Variants in PKD1L3 observed in about 807,000 individuals in gnomAD.
PKD1L3 encodes polycystin 1 like 3, transient receptor potential channel interacting.
PKD1L3 carries 239 observed loss-of-function variants against 184.1 expected under a neutral mutation model. The ratio of observed to expected loss-of-function variants is 1.30; its 90% CI spans 1.17 to 1.45. The LOEUF (loss-of-function observed/expected upper bound fraction) is 1.45. Ranked by LOEUF, PKD1L3 falls within the 40% of genes most tolerant of loss-of-function variation. The probability of loss-of-function intolerance (pLI) is 0.00; values close to 1 mark genes in which losing one functional copy is unlikely to be tolerated. For synonymous variants in PKD1L3, 996 were observed against 778.8 expected (o/e 1.28, Z -4.64); for missense variants, 2,660 against 2,067.2 (o/e 1.29, Z -5.56).
Position 71,953,032 on chromosome 16 carries a change from G to A in PKD1L3, c.2871C>T (p.Leu957=). ...LLVSIHTAVI[L]FPINLVIGRL... ...GCCCTATGACAAGATTGATTGGGAA[G>A]AGGATGACAGCAGTATGGATGCTGA... is the stretch of plus-strand genomic sequence containing the variant. The change falls in exon 18 of 30, where the codon CTC becomes CTT. Residue 957 remains leucine (L), a synonymous_variant. Coordinates refer to ENST00000620267, the MANE Select transcript of PKD1L3 (RefSeq NM_181536.2). 1.3e-6 allele frequency: 2 copies of A among 1,549,064 alleles called. No individual in the cohort carries two copies. Among genetic ancestry groups the A allele is most frequent in the Admixed American group, 2.0e-5 (1 of 50,580 alleles).
At chr16:71,973,957 G>A (rs906959120) in intron 11 of PKD1L3, among the ~76,000 whole-genome samples, 36 of 150,078 alleles carry the variant, frequency 2.4e-4, no homozygotes, top group Middle Eastern at 3.4e-3. Flanking sequence ...AGCCGAAATC[G>A]CACCACTATA....
At chr16:71,979,471 C>CAAAACAAAACAAGAT (rs1567539419) in intron 9 of PKD1L3, among the ~76,000 whole-genome samples, 5 of 123,292 alleles carry the variant, frequency 4.1e-5, no homozygotes, top group Non-Finnish European at 7.0e-5. Flanking sequence ...CAAAACAAGA[C>CAAAACAAAACAAGAT]AAAACAAAAC....
chr16:71,973,482 G>A lies in PKD1L3; in HGVS notation c.1795C>T (p.Leu599=). The A allele has an allele frequency of 6.4e-7, 1 of 1,551,864 alleles. No individual in the cohort carries two copies. The highest frequency in any genetic ancestry group is 8.7e-7 in the Non-Finnish European group (1 of 1,147,054). ...EYTWVLNPEH[L]QHGIGTYYIT... ...TAGTAGGTGCCAATCCCGTGCTGCAGATGCTCTGGATTCAGCACCCACGTG... is the reference window on the plus strand; with the variant it reads ...TAGTAGGTGCCAATCCCGTGCTGCAAATGCTCTGGATTCAGCACCCACGTG... Residue 599 remains leucine (L), a synonymous_variant, in exon 12 of 30, where the codon CTG becomes TTG. Transcript: ENST00000620267.
chr16:71,951,709 TCTC>T lies in PKD1L3; in HGVS notation c.3042_3044del (p.Arg1015del). 6.4e-7 allele frequency: 1 copy of T among 1,551,288 alleles called. No individual in the cohort carries two copies. The highest frequency in any genetic ancestry group is 1.2e-5 in the South Asian group (1 of 83,944). The stretch of plus-strand genomic sequence containing the variant: ...CACACTTGGAGAGTAGGTATGTATT[TCTC>T]CTGAGCAGGAATCTCACAGTTTCCT... On this transcript the variant is annotated inframe_deletion, in exon 19 of 30. Transcript: ENST00000620267.
intron 4 of PKD1L3, among the ~76,000 whole-genome samples, chr16:71,988,197 ATTTT>A (rs201009257): frequency 2.0e-5 from 3 of 150,606 alleles, no homozygotes; most frequent in Non-Finnish European, 4.4e-5. Flanking sequence ...TCATTTGTAA[ATTTT>A]TTTTTTGTTT....
intron 4 of PKD1L3, among the ~76,000 whole-genome samples, chr16:71,988,553 A>G (rs1382251789): frequency 1.3e-5 from 2 of 152,128 alleles, no homozygotes; most frequent in Non-Finnish European, 2.9e-5. Flanking sequence ...GATCGTGGTG[A>G]CCATGGTGAG....
chr16:71,936,519 CTTTTTTTTT>C (rs397785025), intron 25 of PKD1L3, among the ~76,000 whole-genome samples: 2 of 123,528 alleles, frequency 1.6e-5, no homozygotes, highest in East Asian at 2.3e-4. Context: ...TTTTTTTTTT[CTTTTTTTTT>C]TTTTTTTTGA....
intron 2 of PKD1L3, among the ~76,000 whole-genome samples, chr16:71,996,703 T>G (rs1158229180): frequency 2.6e-5 from 4 of 152,168 alleles, no homozygotes; most frequent in African/African-American, 9.7e-5. Flanking sequence ...GTACGTAACA[T>G]TTTGAGATTG....
intron 2 of PKD1L3, among the ~76,000 whole-genome samples, chr16:71,994,339 T>C (rs529109712): frequency 5.9e-5 from 9 of 152,146 alleles, no homozygotes; most frequent in Non-Finnish European, 1.3e-4. Flanking sequence ...GTGATAACCT[T>C]GCTTTCTAAC....
intron 20 of PKD1L3, 39 bp downstream of exon 20, chr16:71,950,079 G>A: frequency 6.5e-7 from 1 of 1,548,642 alleles, no homozygotes; most frequent in East Asian, 2.4e-5. Flanking sequence ...GGATGAGGAA[G>A]ATTACAGGGG....
chr16:71,950,131 G>A lies in PKD1L3; in HGVS notation c.3370C>T (p.Gln1124Ter). 6.4e-7 allele frequency: 1 copy of A among 1,551,986 alleles called. No homozygotes were observed. The highest frequency in any genetic ancestry group is 8.7e-7 in the Non-Finnish European group (1 of 1,147,000). The stretch of plus-strand genomic sequence containing the variant: ...GTGGTGCATTACCTGGATGGCTCTT[G>A]CTCCGTGGGAAGAATATGTGTTTCC... Reference protein sequence around the residue: ...LLETHILPTEQEPSREVTSFA... With the variant: ...LLETHILPTE Residue 1124 changes from glutamine to a stop codon, truncating the protein, a stop_gained, in exon 20 of 30, where the codon CAA (glutamine) becomes TAA (stop). Coordinates refer to ENST00000620267, the MANE Select transcript of PKD1L3 (RefSeq NM_181536.2). LOFTEE classifies it high-confidence loss of function.
intron 15 of PKD1L3, 100 bp from the exon 16 acceptor site, chr16:71,963,451 T>C (rs1446981792): frequency 1.6e-6 from 2 of 1,251,454 alleles, no homozygotes; most frequent in Non-Finnish European, 2.1e-6. Flanking sequence ...TCCAAGTAAA[T>C]GAACTGTTTC....
intron 28 of PKD1L3, among the ~76,000 whole-genome samples, chr16:71,933,099 C>T (rs1404275282): frequency 6.6e-6 from 1 of 152,030 alleles, no homozygotes; most frequent in African/African-American, 2.4e-5. Context: ...TTCAAGGGGC[C>T]ATTGAGAAGC....
intron 6 of PKD1L3, among the ~76,000 whole-genome samples, chr16:71,983,409 A>G (rs1259858593): frequency 6.6e-6 from 1 of 152,154 alleles, no homozygotes; most frequent in African/African-American, 2.4e-5. Flanking sequence ...AGCCTCCCAA[A>G]GTGCTGGGAC....
Position 71,951,686 on chromosome 16 carries a change from C to T in PKD1L3, c.3068G>A (p.Cys1023Tyr), listed in dbSNP as rs1482870867. 1 of 1,551,696 alleles carries T rather than the reference C, an allele frequency of 6.4e-7. No individual in the cohort carries two copies. The highest frequency in any genetic ancestry group is 8.7e-7 in the Non-Finnish European group (1 of 1,146,960). Residue 1023 changes from cysteine (C) to tyrosine (Y), a missense_variant, in exon 19 of 30, where the codon TGT (cysteine) becomes TAT (tyrosine). Transcript: ENST00000620267. ...CCAAGAACTCCATGGCGGCTGCTCACACTTGGAGAGTAGGTATGTATTTCT... is the reference window on the plus strand; with the variant it reads ...CCAAGAACTCCATGGCGGCTGCTCATACTTGGAGAGTAGGTATGTATTTCT... ...LRRNTYLLSK[C>Y]EQPPWSSWDI...
intron 28 of PKD1L3, among the ~76,000 whole-genome samples, chr16:71,932,780 C>CTTTTT (rs71153681): frequency 2.3e-3 from 225 of 96,984 alleles, no homozygotes; most frequent in African/African-American, 3.0e-3. Flanking sequence ...CGCACCTGGC[C>CTTTTT]TTTTTTTTTT....
intron 9 of PKD1L3, 73 bp downstream of exon 9, chr16:71,979,713 T>A (rs750111072): frequency 2.1e-6 from 3 of 1,437,468 alleles, no homozygotes; most frequent in Non-Finnish European, 2.7e-6. Flanking sequence ...TCATGATACA[T>A]TACTTTCACC....
rs747776585 is a variant in PKD1L3 at position 71,993,319 on chromosome 16, G to A, written c.432C>T (p.Asp144=). The part of the protein sequence containing the change: ...YFICQTGDFL[D]GDAHYERNGN... ...CATTTCTTTCATAATGGGCATCTCC[G>A]TCCAAAAAGTCACCTATTTGAAAGC... The change falls in exon 3 of 30, where the codon GAC becomes GAT. Residue 144 remains aspartate (D), a synonymous_variant. Coordinates refer to ENST00000620267, the MANE Select transcript of PKD1L3 (RefSeq NM_181536.2). 1.8e-5 allele frequency: 28 copies of A among 1,543,848 alleles called. No homozygotes were observed. The highest frequency in any genetic ancestry group is 4.2e-5 in the African/African-American group (3 of 72,214).
intron 10 of PKD1L3, 22 bp from the exon 11 acceptor site, chr16:71,977,489 C>A (rs1360283795): frequency 2.0e-6 from 3 of 1,483,090 alleles, no homozygotes; most frequent in South Asian, 1.2e-5. Context: ...GACAGTTAAT[C>A]ATTATAATGG....
Sources: gnomAD v4.1 joint callset for allele counts (sites outside exome capture counted in the v4.1 genomes callset) on GRCh38, gnomAD v4.1.1 for gene constraint, MANE v1.5 for transcripts, NCBI Gene and HGNC (gene_info 2026-07-23, HGNC 2026-07-21) for gene names.